ZSCAN25: variants seen among roughly 807,000 people sequenced by gnomAD.
The protein encoded by ZSCAN25 is zinc finger and SCAN domain containing 25.
A neutral mutation model predicts 38.7 loss-of-function variants in ZSCAN25; 27 were observed. That is an observed-to-expected ratio of 0.70 (90% CI 0.51 to 0.96). The LOEUF (loss-of-function observed/expected upper bound fraction) is 0.96, where lower values mean the gene tolerates loss of function less well. ZSCAN25 is among the 40% of genes least tolerant of loss of function. The probability of loss-of-function intolerance (pLI) is 0.00; values close to 1 mark genes in which losing one functional copy is unlikely to be tolerated. For missense variants in ZSCAN25, 637 were observed against 705.9 expected, an observed-to-expected ratio of 0.90 and a Z score of 1.11; for synonymous variants, 273 against 277.7, an observed-to-expected ratio of 0.98 and a Z score of 0.17.
the ZSCAN25 span, among the ~76,000 whole-genome samples, chr7:99,707,141 G>C: frequency 9.1e-4 from 139 of 152,312 alleles, no homozygotes; most frequent in Non-Finnish European, 1.6e-3. Context: ...AAGAAGATTA[G>C]CAGAGTTATA....
At chr7:99,676,103 C>A in the ZSCAN25 span, 18 of 1,611,976 alleles carry the variant, frequency 1.1e-5, no homozygotes, top group Non-Finnish European at 1.4e-5. Context: ...AGAGGAAGCT[C>A]AAGCAACTCA....
the ZSCAN25 span, among the ~76,000 whole-genome samples, chr7:99,692,128 G>A: frequency 1.3e-5 from 2 of 152,210 alleles, no homozygotes. Context: ...TGTCTGTAAA[G>A]TATTTTATTT....
chr7:99,672,040 T>G, the ZSCAN25 span, among the ~76,000 whole-genome samples: 10 of 152,104 alleles, frequency 6.6e-5, no homozygotes, highest in African/African-American at 1.9e-4. Flanking sequence ...AGTTTGCCGG[T>G]TTTTGTTGTT....
chr7:99,730,832 G>A, the ZSCAN25 span: 6 of 519,870 alleles, frequency 1.2e-5, no homozygotes, highest in African/African-American at 1.9e-5. Context: ...TCAGATTGCT[G>A]GATCTACTTG....
chr7:99,699,566 A>C, the ZSCAN25 span, among the ~76,000 whole-genome samples: 10 of 152,184 alleles, frequency 6.6e-5, no homozygotes, highest in Non-Finnish European at 1.5e-5. Context: ...ACAAAAACCC[A>C]AGCTGCTCCC....
chr7:99,697,998 G>A, the ZSCAN25 span, among the ~76,000 whole-genome samples: 1 of 152,200 alleles, frequency 6.6e-6, no homozygotes, highest in African/African-American at 2.4e-5. Context: ...GAAAGATCTA[G>A]GTGAGTGTCT....
chr7:99,737,621 A>T, the ZSCAN25 span, among the ~76,000 whole-genome samples: 218 of 152,248 alleles, frequency 1.4e-3, 1 homozygote, highest in East Asian at 9.1e-3. Flanking sequence ...TTTTTTTAGA[A>T]ACAAAACTCT....
At chr7:99,648,097 T>C in the ZSCAN25 span, 1 of 1,169,630 alleles carries the variant, frequency 8.5e-7, no homozygotes, top group African/African-American at 1.6e-5. Flanking sequence ...ATCTGTCACT[T>C]ACCTGGTCAC....
At chr7:99,627,633 T>G (rs1807592462) in intron 7 of ZSCAN25, among the ~76,000 whole-genome samples, 1 of 151,298 alleles carries the variant, frequency 6.6e-6, no homozygotes, top group Admixed American at 6.7e-5. Context: ...GTCCAGACAA[T>G]GTGTTCCCGT....
At chr7:99,735,014 G>T in the ZSCAN25 span, 1 of 1,614,080 alleles carries the variant, frequency 6.2e-7, no homozygotes, top group Non-Finnish European at 8.5e-7. Context: ...AGCCTGAACA[G>T]TTACTCACAG....
chr7:99,691,759 C>T, the ZSCAN25 span, among the ~76,000 whole-genome samples: 1 of 152,154 alleles, frequency 6.6e-6, no homozygotes. Context: ...AGATCTTCCT[C>T]CATCCTCTTA....
At chr7:99,669,599 G>A in the ZSCAN25 span, among the ~76,000 whole-genome samples, 104 of 152,274 alleles carry the variant, frequency 6.8e-4, no homozygotes, top group East Asian at 0.011. Flanking sequence ...ATTGAAAGAC[G>A]TTTGGAGAGT....
At chr7:99,659,337 T>C in the ZSCAN25 span, 1 of 152,886 alleles carries the variant, frequency 6.5e-6, no homozygotes, top group African/African-American at 2.4e-5. Flanking sequence ...TTGCCGGAGG[T>C]CCACTCCAGA....
In ZSCAN25 at chr7:99,631,833, A is replaced by G; in HGVS notation, c.*1813A>G. 1 of 985,440 alleles carries G rather than the reference A, an allele frequency of 1.0e-6. No homozygotes were observed. The highest frequency in any genetic ancestry group is 1.2e-6 in the Non-Finnish European group (1 of 829,974). The allele number at this position is 985,440 out of a possible 1,614,324, so 61.0% of individuals were successfully genotyped here. On this transcript the variant is annotated 3_prime_UTR_variant, in exon 8 of 8. Coordinates refer to ENST00000394152, the MANE Select transcript of ZSCAN25 (RefSeq NM_145115.3). ...TGACTGGGTCGTAAATGTATCTGAGATGTCCACACGGGGCTGCTGCTGCTC... is the reference window on the plus strand; with the variant it reads ...TGACTGGGTCGTAAATGTATCTGAGGTGTCCACACGGGGCTGCTGCTGCTC...
the ZSCAN25 span, chr7:99,671,727 C>T: frequency 2.9e-6 from 2 of 679,106 alleles, no homozygotes; most frequent in East Asian, 2.7e-5. Context: ...AATATTAATA[C>T]ATTGGCCTCC....
At chr7:99,654,509 CTT>C in the ZSCAN25 span, among the ~76,000 whole-genome samples, 266 of 152,276 alleles carry the variant, frequency 1.7e-3, no homozygotes, top group Admixed American at 2.9e-3. Flanking sequence ...GGTTCCAAGT[CTT>C]TGCTATTGTG....
the ZSCAN25 span, among the ~76,000 whole-genome samples, chr7:99,713,983 T>C: frequency 6.6e-6 from 1 of 152,142 alleles, no homozygotes. Flanking sequence ...CCTGCAGATA[T>C]CTTTTGGCTG....
rs960081469 is a variant in ZSCAN25 at position 99,621,446 on chromosome 7, T to A, written c.461T>A (p.Leu154Gln). 1 of 1,553,238 alleles carries A rather than the reference T, an allele frequency of 6.4e-7. No individual in the cohort carries two copies. The highest frequency in any genetic ancestry group is 1.4e-5 in the African/African-American group (1 of 73,072). ...CRGAWEPGIQ[L>Q]GPVEVKPEWG... ...GGCGCTTGGGAGCCAGGCATCCAGC[T>A]GGGGCCAGTGGAGGTCAAGCCTGAA... The change falls in exon 5 of 8, where the codon CTG becomes CAG. Residue 154 changes from leucine to glutamine, a missense_variant. Leu to Gln is a moderately radical substitution (Grantham distance 113, BLOSUM62 -2). Coordinates refer to ENST00000394152, the MANE Select transcript of ZSCAN25 (RefSeq NM_145115.3).
At chr7:99,719,371 A>C in the ZSCAN25 span, among the ~76,000 whole-genome samples, 1 of 152,230 alleles carries the variant, frequency 6.6e-6, no homozygotes, top group Non-Finnish European at 1.5e-5. Context: ...AATTTTTAAC[A>C]ATATGCCCAC....
Sources: gnomAD v4.1 joint callset for allele counts (sites outside exome capture counted in the v4.1 genomes callset) on GRCh38, gnomAD v4.1.1 for gene constraint, MANE v1.5 for transcripts, NCBI Gene and HGNC (gene_info 2026-07-23, HGNC 2026-07-21) for gene names.